The following RPH3A variants were observed in gnomAD, a reference collection of about 807,000 sequenced individuals.
The protein encoded by RPH3A is rabphilin-3A.
Under a neutral mutation model 102.2 loss-of-function variants are expected in RPH3A, and 48 were observed. The ratio of observed to expected loss-of-function variants is 0.47; its 90% CI spans 0.37 to 0.60. RPH3A has a LOEUF of 0.60. Among genes scored for constraint, RPH3A ranks in the 20% least tolerant of loss-of-function variants. The pLI is 0.00. For missense variants in RPH3A, 781 were observed against 910.1 expected (o/e 0.86, Z 1.83); for synonymous variants, 310 against 324.3 (o/e 0.96, Z 0.47).
At chr12:112,712,897 CTT>C (rs1565856682) in intron 1 of RPH3A, among the ~76,000 whole-genome samples, 9 of 133,008 alleles carry the variant, frequency 6.8e-5, no homozygotes, top group African/African-American at 2.8e-4. Flanking sequence ...TCTTCTTCTT[CTT>C]CTTCCTCTTC....
rs561530287 is a variant in RPH3A at position 112,794,141 on chromosome 12, G to A, written c.-19+1878G>A. On this transcript the variant is annotated intron_variant, in intron 2 of 21. Coordinates refer to ENST00000389385, the MANE Select transcript of RPH3A (RefSeq NM_001143854.2). ...GAAGTGGTGCATTGTGGTGCACCAG[G>A]GAAAGGGAAAGAGAAGCTTCTGGAA... 8.5e-5 allele frequency among the ~76,000 whole-genome samples: 13 copies of A among 152,276 alleles called. No homozygotes were observed. In the East Asian group the frequency reaches 2.5e-3, roughly 29 times the overall value.
At chr12:112,671,366 T>TAA (rs2040128111) in intron 1 of RPH3A, among the ~76,000 whole-genome samples, 1 of 152,222 alleles carries the variant, frequency 6.6e-6, no homozygotes, top group Admixed American at 6.5e-5. Context: ...AGCTCGTGGC[T>TAA]ATCATTTCAT....
At chr12:112,726,224 C>T (rs1431120142) in intron 1 of RPH3A, among the ~76,000 whole-genome samples, 1 of 152,154 alleles carries the variant, frequency 6.6e-6, no homozygotes, top group South Asian at 2.1e-4. Context: ...AAGTGGTTCT[C>T]CTGCCTCGGG....
intron 1 of RPH3A, among the ~76,000 whole-genome samples, chr12:112,589,704 C>T (rs1004646259): frequency 6.6e-6 from 1 of 152,198 alleles, no homozygotes; most frequent in Non-Finnish European, 1.5e-5. Flanking sequence ...TCTCCCCTGC[C>T]CCTGCACCAT....
At chr12:112,805,559 G>A (rs1403963107) in intron 2 of RPH3A, among the ~76,000 whole-genome samples, 1 of 152,194 alleles carries the variant, frequency 6.6e-6, no homozygotes, top group Non-Finnish European at 1.5e-5. Context: ...GAAAGGGCCA[G>A]TTAGCTAGGT....
intron 1 of RPH3A, chr12:112,649,325 C>T (rs1476950507): frequency 6.6e-6 from 1 of 152,214 alleles, no homozygotes; most frequent in Non-Finnish European, 1.5e-5. Flanking sequence ...AGAAAACGCT[C>T]TATGCAATGC....
At position 112,896,813 on chromosome 12, in the gene RPH3A, G is replaced by A; in HGVS notation, c.*33G>A. 1.2e-6 allele frequency: 2 copies of A among 1,612,220 alleles called. No homozygotes were observed. Among genetic ancestry groups the A allele is most frequent in the South Asian group, 1.1e-5 (1 of 90,974 alleles). ...CCCAGGTCCCCATCTCCATGTCCCG[G>A]GTCCCCCCCAGCCTGCTCTAGCTGC... On this transcript the variant is annotated 3_prime_UTR_variant, in exon 22 of 22. Transcript: ENST00000389385.
chr12:112,592,764 T>G (rs1220329396), intron 1 of RPH3A, among the ~76,000 whole-genome samples: 3 of 152,194 alleles, frequency 2.0e-5, no homozygotes, highest in African/African-American at 7.2e-5. Context: ...GAGACAATAA[T>G]GTTCCTCAGG....
intron 1 of RPH3A, among the ~76,000 whole-genome samples, chr12:112,721,494 A>G (rs2040550488): frequency 6.6e-6 from 1 of 152,264 alleles, no homozygotes; most frequent in Admixed American, 6.5e-5. Context: ...TCAGACTCCA[A>G]GGAATCTATT....
intron 1 of RPH3A, among the ~76,000 whole-genome samples, chr12:112,607,865 T>C (rs2039608994): frequency 1.3e-5 from 2 of 152,180 alleles, no homozygotes; most frequent in African/African-American, 4.8e-5. Flanking sequence ...TGTAGTTCAT[T>C]TTATGGCGAA....
intron 13 of RPH3A, among the ~76,000 whole-genome samples, chr12:112,877,373 C>T (rs959741596): frequency 1.3e-4 from 19 of 151,810 alleles, no homozygotes; most frequent in Admixed American, 2.6e-4. Flanking sequence ...CCCACCCAGG[C>T]CCCAAGTCCC....
chr12:112,744,202 A>T (rs2040728530), intron 1 of RPH3A, among the ~76,000 whole-genome samples: 1 of 152,048 alleles, frequency 6.6e-6, no homozygotes. Context: ...CAGCCTCCCG[A>T]GTAGCTGGGA....
At chr12:112,784,393 A>C (rs956775534) in intron 1 of RPH3A, among the ~76,000 whole-genome samples, 2 of 152,120 alleles carry the variant, frequency 1.3e-5, no homozygotes, top group African/African-American at 4.8e-5. Context: ...GTGATGATCT[A>C]TCCCAGGTTC....
intron 1 of RPH3A, among the ~76,000 whole-genome samples, chr12:112,621,527 C>T (rs1384689154): frequency 1.7e-4 from 25 of 147,138 alleles, no homozygotes; most frequent in Non-Finnish European, 3.0e-4. Context: ...CACCACGAGA[C>T]TATATCCCAC....
chr12:112,697,776 A>C (rs1388044837), intron 1 of RPH3A, among the ~76,000 whole-genome samples: 2 of 152,180 alleles, frequency 1.3e-5, no homozygotes, highest in African/African-American at 2.4e-5. Context: ...GAGGCATAAG[A>C]ATCGCTTGAA....
chr12:112,840,095 T>A (rs540751176), intron 4 of RPH3A, among the ~76,000 whole-genome samples: 2 of 152,314 alleles, frequency 1.3e-5, no homozygotes, highest in South Asian at 4.1e-4. Flanking sequence ...ATTAGGGACA[T>A]CCTTATAATA....
intron 1 of RPH3A, among the ~76,000 whole-genome samples, chr12:112,655,080 G>A (rs1383268775): frequency 6.6e-6 from 1 of 152,150 alleles, no homozygotes; most frequent in Non-Finnish European, 1.5e-5. Flanking sequence ...TGAAGGCCAT[G>A]GCTTGAAGGC....
chr12:112,682,872 C>T (rs2051148005), intron 1 of RPH3A, among the ~76,000 whole-genome samples: 1 of 152,214 alleles, frequency 6.6e-6, no homozygotes, highest in African/African-American at 2.4e-5. Context: ...GCTGTATCAC[C>T]TGCTTGAAAT....
In RPH3A at chr12:112,853,863, T is replaced by G. The variant is rs367745368; in HGVS notation, c.230+6021T>G. Among the ~76,000 whole-genome samples the G allele has an allele frequency of 3.7e-4, 56 of 151,986 alleles. 2 individuals carry two copies. In the South Asian group the frequency reaches 8.9e-3, roughly 24 times the overall value. Reference sequence around the variant, plus strand: ...AGATCAAAATAGAAGTTTTCTGGATTCCTTAATTAGCTCGATGCCTGCCAT... The same window carrying G: ...AGATCAAAATAGAAGTTTTCTGGATGCCTTAATTAGCTCGATGCCTGCCAT... On this transcript the variant is annotated intron_variant, in intron 5 of 21. Coordinates refer to ENST00000389385, the MANE Select transcript of RPH3A (RefSeq NM_001143854.2).
Sources: allele counts gnomAD v4.1 joint callset (sites outside exome capture counted in the v4.1 genomes callset), GRCh38; gene constraint gnomAD v4.1.1; transcripts MANE v1.5; gene names NCBI Gene and HGNC (gene_info 2026-07-23, HGNC 2026-07-21).